C4orf36: variants seen among roughly 807,000 people sequenced by gnomAD.
The protein encoded by C4orf36 is chromosome 4 open reading frame 36.
C4orf36 carries 11 observed loss-of-function variants against 12.2 expected under a neutral mutation model. The ratio of observed to expected loss-of-function variants is 0.90; its 90% CI spans 0.57 to 1.49. C4orf36 has a LOEUF of 1.49. Ranked by LOEUF, C4orf36 falls within the 40% of genes most tolerant of loss-of-function variation. The pLI is 0.00. For missense variants in C4orf36, 137 were observed against 133.9 expected (o/e 1.02, Z -0.11); for synonymous variants, 54 against 51.3 (o/e 1.05, Z -0.22).
At chr4:86,916,683 TG>T in the C4orf36 span, among the ~76,000 whole-genome samples, 1 of 152,208 alleles carries the variant, frequency 6.6e-6, no homozygotes, top group African/African-American at 2.4e-5. Context: ...ACACATATTC[TG>T]GGTATAAATG....
chr4:86,899,908 AGT>A, the C4orf36 span, among the ~76,000 whole-genome samples: 1 of 152,208 alleles, frequency 6.6e-6, no homozygotes, highest in African/African-American at 2.4e-5. Context: ...CATTTTGCAA[AGT>A]GTGAGTCTTT....
rs1746925589 is a variant in C4orf36 at position 86,876,333 on chromosome 4, G to T, written c.*113C>A. Reference sequence around the variant, plus strand: ...CTTCCTGAGGTGGGGGCCGGGCCAGGATGGCTGCAGCGCAGCGACGGCCGG... The same window carrying T: ...CTTCCTGAGGTGGGGGCCGGGCCAGTATGGCTGCAGCGCAGCGACGGCCGG... On this transcript the variant is annotated 3_prime_UTR_variant, in exon 5 of 5. Transcript: ENST00000295898. The T allele has an allele frequency of 6.6e-7, 1 of 1,523,006 alleles. No homozygotes were observed. 94.3% of individuals were successfully genotyped at this position (1,523,006 alleles called of 1,614,324 possible).
chr4:86,876,614 T>C, intron 4 of C4orf36, 171 bp from the exon 5 acceptor site: 1 of 1,613,910 alleles, frequency 6.2e-7, no homozygotes, highest in Non-Finnish European at 8.5e-7. Flanking sequence ...CAGACAGTTC[T>C]TCAATGAACC....
chr4:86,880,241 G>A (rs1234082651), intron 4 of C4orf36, among the ~76,000 whole-genome samples: 1 of 152,160 alleles, frequency 6.6e-6, no homozygotes. Flanking sequence ...GGGAGGCCAA[G>A]GTGAACAGAT....
the C4orf36 span, among the ~76,000 whole-genome samples, chr4:86,926,600 T>C: frequency 6.6e-6 from 1 of 152,176 alleles, no homozygotes; most frequent in Non-Finnish European, 1.5e-5. Context: ...TGGCCACTCC[T>C]AGATTCCTTA....
the C4orf36 span, chr4:86,913,838 T>C: frequency 2.0e-6 from 2 of 1,009,874 alleles, no homozygotes; most frequent in Non-Finnish European, 3.0e-6. Flanking sequence ...TTTTTTTTTT[T>C]TTTTTTTTGA....
chr4:86,891,624 C>T, intron 1 of C4orf36, 31 bp from the exon 2 acceptor site: 2 of 1,550,104 alleles, frequency 1.3e-6, no homozygotes, highest in Non-Finnish European at 1.7e-6. Context: ...CTAATTAATG[C>T]CTCTCACGTG....
At chr4:86,925,253 ACT>A in the C4orf36 span, 1 of 151,794 alleles carries the variant, frequency 6.6e-6, no homozygotes, top group Non-Finnish European at 1.5e-5. Flanking sequence ...ACCGAGTCTC[ACT>A]CTGTCGCCCA....
rs113602171 is a variant in C4orf36, at chr4:86,880,446, T to C, written c.*3-4003A>G. Among the ~76,000 whole-genome samples the C allele has an allele frequency of 6.2e-3, 942 of 152,168 alleles. 9 individuals carry two copies. The highest frequency in any genetic ancestry group is 0.021 in the African/African-American group (883 of 41,532). On this transcript the variant is annotated intron_variant, in intron 4 of 4. Coordinates refer to ENST00000295898, the MANE Select transcript of C4orf36 (RefSeq NM_144645.4). ...TCCAGCCTGGGTGACAGAGCGAGAC[T>C]CCGTCTCAAATAAAAGAAACCCTCC...
chr4:86,896,785 A>G (rs758996522), upstream of C4orf36, among the ~76,000 whole-genome samples: 3 of 152,190 alleles, frequency 2.0e-5, no homozygotes, highest in Non-Finnish European at 2.9e-5. Flanking sequence ...TTCCTACTGG[A>G]CTATCTTGTT....
the C4orf36 span, among the ~76,000 whole-genome samples, chr4:86,912,905 C>G: frequency 4.0e-5 from 6 of 149,710 alleles, no homozygotes. Context: ...CTAGTTTTCG[C>G]TTTTCTTTTT....
At chr4:86,905,051 CATA>C in the C4orf36 span, among the ~76,000 whole-genome samples, 1 of 151,734 alleles carries the variant, frequency 6.6e-6, no homozygotes, top group Non-Finnish European at 1.5e-5. Flanking sequence ...GTCTAGGCAA[CATA>C]ATGAGACCCC....
chr4:86,929,119 C>G, the C4orf36 span, among the ~76,000 whole-genome samples: 2 of 152,158 alleles, frequency 1.3e-5, no homozygotes, highest in Non-Finnish European at 2.9e-5. Flanking sequence ...TCTGTCGCTG[C>G]ATAACAAATT....
the C4orf36 span, among the ~76,000 whole-genome samples, chr4:86,904,064 C>T: frequency 1.3e-5 from 2 of 152,264 alleles, no homozygotes; most frequent in South Asian, 4.1e-4. Context: ...CCCACCCATC[C>T]CAGAAGCCCA....
chr4:86,907,104 G>A, the C4orf36 span, among the ~76,000 whole-genome samples: 1 of 152,090 alleles, frequency 6.6e-6, no homozygotes, highest in East Asian at 1.9e-4. Context: ...ACAAGTAAGT[G>A]TTTAAGGTGA....
the C4orf36 span, among the ~76,000 whole-genome samples, chr4:86,903,778 A>C: frequency 1.1e-4 from 17 of 152,050 alleles, no homozygotes; most frequent in African/African-American, 2.7e-4. Flanking sequence ...TTTTACAGAG[A>C]GCTGATGGGT....
At chr4:86,889,983 G>C in intron 2 of C4orf36, 2 of 441,228 alleles carry the variant, frequency 4.5e-6, no homozygotes, top group Admixed American at 4.8e-5. Flanking sequence ...TTGAGGACAG[G>C]AGTTTGAGAC....
chr4:86,881,279 A>C (rs937328338), intron 4 of C4orf36, among the ~76,000 whole-genome samples: 8 of 152,212 alleles, frequency 5.3e-5, no homozygotes, highest in Non-Finnish European at 1.5e-5. Flanking sequence ...CTGAAGTTGA[A>C]TTGTTATCAG....
rs1168311249 is a variant in C4orf36 at position 86,892,331 on chromosome 4, C to A, written c.-222G>T. On this transcript the variant is annotated 5_prime_UTR_variant, in exon 1 of 5. Coordinates refer to ENST00000295898, the MANE Select transcript of C4orf36 (RefSeq NM_144645.4). ...CGCGGCCGGGGTACTGAGGTAAGAG[C>A]GCGCTGCGCTAAGCGCACATGGCCG... The A allele has an allele frequency of 2.0e-6, 2 of 985,376 alleles. No homozygotes were observed. The highest frequency in any genetic ancestry group is 1.2e-4 in the Admixed American group (2 of 16,274). The allele number at this position is 985,376 out of a possible 1,614,324, so 61.0% of individuals were successfully genotyped here.
Sources: allele counts gnomAD v4.1 joint callset (sites outside exome capture counted in the v4.1 genomes callset), GRCh38; gene constraint gnomAD v4.1.1; transcripts MANE v1.5; gene names NCBI Gene and HGNC (gene_info 2026-07-23, HGNC 2026-07-21).